The following GLG1 variants were observed in gnomAD, a reference collection of about 807,000 sequenced individuals.
GLG1 encodes the protein Golgi apparatus protein 1.
Under a neutral mutation model 160.5 loss-of-function variants are expected in GLG1, and 38 were observed. The observed-to-expected ratio is 0.24, with a 90% CI of 0.18 to 0.31. The LOEUF (loss-of-function observed/expected upper bound fraction) is 0.31. Among genes scored for constraint, GLG1 ranks in the 10% least tolerant of loss-of-function variants. The pLI, the probability that GLG1 is intolerant of heterozygous loss-of-function variation, is 1.00. For synonymous variants in GLG1, 644 were observed against 543.4 expected (o/e 1.19, Z -2.57); for missense variants, 1,373 against 1,505.2 (o/e 0.91, Z 1.45).
chr16:74,511,809 T>A (rs1206173737), intron 2 of GLG1, among the ~76,000 whole-genome samples: 2 of 152,148 alleles, frequency 1.3e-5, no homozygotes. Flanking sequence ...TTGAATGTCT[T>A]CACCTTTTAA....
intron 24 of GLG1, 107 bp from the exon 25 acceptor site, chr16:74,456,862 C>T: frequency 1.4e-6 from 1 of 737,000 alleles, no homozygotes. Flanking sequence ...TTCAGATCTG[C>T]AGGCTCAACA....
rs1203029926 is a variant in GLG1, at chr16:74,551,016, C to T, written c.439-18863G>A. 2.6e-5 allele frequency among the ~76,000 whole-genome samples: 4 copies of T among 152,046 alleles called. No homozygotes were observed. The East Asian group carries it at 5.8e-4, about 22-fold the overall frequency. On this transcript the variant is annotated intron_variant, in intron 1 of 25. Transcript: ENST00000422840. Reference sequence around the variant, plus strand: ...CTGGAAATATTCATGTTGAATCTAACGGACAACTTATTTAACCCTTACAAA... The same window carrying T: ...CTGGAAATATTCATGTTGAATCTAATGGACAACTTATTTAACCCTTACAAA...
chr16:74,533,421 C>A (rs914135599), intron 1 of GLG1, among the ~76,000 whole-genome samples: 1 of 152,212 alleles, frequency 6.6e-6, no homozygotes, highest in Non-Finnish European at 1.5e-5. Context: ...CAATACATAA[C>A]TCCTTTAGTT....
At chr16:74,604,937 T>C (rs1231641993) in intron 1 of GLG1, among the ~76,000 whole-genome samples, 1 of 152,084 alleles carries the variant, frequency 6.6e-6, no homozygotes, top group Non-Finnish European at 1.5e-5. Flanking sequence ...TAGTCCCAGG[T>C]ACTCAGGTGG....
rs1257345207 is a variant in GLG1, at chr16:74,460,105, T to C, written c.3037-316A>G. Among the ~76,000 whole-genome samples, 4 of 151,574 alleles carry C rather than the reference T, an allele frequency of 2.6e-5. No homozygotes were observed. In the East Asian group the frequency reaches 5.8e-4, roughly 22 times the overall value. ...GGCACGATCTCGGCTCACCGCAACC[T>C]CTGCCTCTCATGTTCAAGTGATTCT... On this transcript the variant is annotated intron_variant, in intron 22 of 25. Transcript: ENST00000422840.
Position 74,480,372 on chromosome 16 carries a change from T to C in GLG1, c.1696A>G (p.Lys566Glu). ...AGACGAGAAGCGTCTCCCTGGCACTTGCGGTACAGGACAGGGTCCAGCCTA... is the reference window on the plus strand; with the variant it reads ...AGACGAGAAGCGTCTCCCTGGCACTCGCGGTACAGGACAGGGTCCAGCCTA... ...DWKLDPVLYRKCQGDASRLCH... is the reference protein window; with the variant it reads ...DWKLDPVLYRECQGDASRLCH... Residue 566 changes from lysine (K) to glutamate (E), a missense_variant, in exon 11 of 26, where the codon AAG becomes GAG. Physicochemically the swap from Lys to Glu is moderately conservative, Grantham distance 56. Around this residue, in one of 4 missense-constraint regions of GLG1, gnomAD observed 386 missense variants for 388.5 expected, o/e 0.99. Coordinates refer to ENST00000422840, the MANE Select transcript of GLG1 (RefSeq NM_001145667.2). 1 of 1,613,616 alleles carries C rather than the reference T, an allele frequency of 6.2e-7. No individual in the cohort carries two copies. Among genetic ancestry groups the C allele is most frequent in the Non-Finnish European group, 8.5e-7 (1 of 1,179,620 alleles).
intron 1 of GLG1, among the ~76,000 whole-genome samples, chr16:74,585,162 C>T (rs1214632773): frequency 6.6e-6 from 1 of 152,104 alleles, no homozygotes; most frequent in Non-Finnish European, 1.5e-5. Context: ...AATCCCAGCA[C>T]TGTGGAAGGC....
chr16:74,496,713 T>TAC (rs34221253), intron 4 of GLG1, 69 bp from the exon 5 acceptor site: 81,794 of 609,610 alleles, frequency 0.13, 2,041 homozygotes, highest in African/African-American at 0.22. Context: ...AACATTTGGC[T>TAC]ACACACACAC....
At chr16:74,591,148 C>A (rs536365477) in intron 1 of GLG1, among the ~76,000 whole-genome samples, 24 of 151,766 alleles carry the variant, frequency 1.6e-4, no homozygotes, top group African/African-American at 5.8e-4. Context: ...CTAGCCAACA[C>A]GGTGAAACCC....
chr16:74,564,525 G>T (rs768691631), intron 1 of GLG1, among the ~76,000 whole-genome samples: 1 of 152,118 alleles, frequency 6.6e-6, no homozygotes, highest in Non-Finnish European at 1.5e-5. Context: ...TCTTCAGCAG[G>T]AATGATAAAC....
chr16:74,584,179 G>A (rs1597371789), intron 1 of GLG1, among the ~76,000 whole-genome samples: 1 of 151,930 alleles, frequency 6.6e-6, no homozygotes, highest in African/African-American at 2.4e-5. Flanking sequence ...TAGTTCCCCC[G>A]AAAACAAAAC....
intron 4 of GLG1, 124 bp downstream of exon 4, chr16:74,503,407 C>T: frequency 2.9e-6 from 2 of 697,168 alleles, no homozygotes; most frequent in South Asian, 3.5e-5. Context: ...GCTGTCTGGA[C>T]AAGTTTCTTC....
chr16:74,487,919 C>T lies in GLG1; in HGVS notation c.1450-2002G>A, dbSNP rs2015849283. Among the ~76,000 whole-genome samples the T allele has an allele frequency of 4.7e-5, 7 of 147,916 alleles. No homozygotes were observed. The South Asian group carries it at 1.5e-3, about 31-fold the overall frequency. On this transcript the variant is annotated intron_variant, in intron 8 of 25. Transcript: ENST00000422840. The stretch of plus-strand genomic sequence containing the variant: ...AAATGTGAACTGCTACATGATTATA[C>T]ACCTATTCCAGCCCCTGGCATGCCT...
At chr16:74,580,118 T>C (rs1226289983) in intron 1 of GLG1, among the ~76,000 whole-genome samples, 1 of 152,076 alleles carries the variant, frequency 6.6e-6, no homozygotes, top group Non-Finnish European at 1.5e-5. Flanking sequence ...GAATCTCATG[T>C]TGCACCATTT....
chr16:74,572,799 G>C (rs925504861), intron 1 of GLG1, among the ~76,000 whole-genome samples: 15 of 152,198 alleles, frequency 9.9e-5, no homozygotes, highest in Admixed American at 7.9e-4. Context: ...AGGGGTGGGA[G>C]GGGGTGGTGC....
chr16:74,593,449 T>C (rs1466880595), intron 1 of GLG1, among the ~76,000 whole-genome samples: 3 of 149,908 alleles, frequency 2.0e-5, no homozygotes, highest in South Asian at 2.1e-4. Flanking sequence ...TTTTTTTTTT[T>C]TGGAGACAGA....
intron 2 of GLG1, among the ~76,000 whole-genome samples, chr16:74,513,354 T>C (rs560161348): frequency 1.8e-4 from 28 of 151,856 alleles, no homozygotes; most frequent in Non-Finnish European, 3.2e-4. Flanking sequence ...TCCTTGAAAA[T>C]ATAGTCAGCC....
rs1009527204 is a variant in GLG1, at chr16:74,595,169, C to G, written c.438+11488G>C. Among the ~76,000 whole-genome samples the G allele has an allele frequency of 3.1e-4, 46 of 150,428 alleles. No individual in the cohort carries two copies. The Admixed American group carries it at 3.1e-3, about 10-fold the overall frequency. ...CGCCACTGCAATCTAGCCTGGGCAA[C>G]AGAGCAAGAATCCGTCTCAAAAAAA... is the stretch of plus-strand genomic sequence containing the variant. On this transcript the variant is annotated intron_variant, in intron 1 of 25. Coordinates refer to ENST00000422840, the MANE Select transcript of GLG1 (RefSeq NM_001145667.2).
chr16:74,477,245 A>G, intron 12 of GLG1, 151 bp downstream of exon 12: 2 of 684,096 alleles, frequency 2.9e-6, no homozygotes, highest in Non-Finnish European at 5.0e-6. Flanking sequence ...AATTTTCCTG[A>G]GAATTTCTTC....
Sources: allele counts gnomAD v4.1 joint callset (sites outside exome capture counted in the v4.1 genomes callset), GRCh38; gene constraint gnomAD v4.1.1; regional missense constraint gnomAD v4.1.1; transcripts MANE v1.5; gene names NCBI Gene and HGNC (gene_info 2026-07-23, HGNC 2026-07-21).